The following ZNF26 variants were observed in gnomAD, a reference collection of about 807,000 sequenced individuals.
The protein encoded by ZNF26 is zinc finger protein 26, also known as epididymis luminal protein 179.
A neutral mutation model predicts 54.9 loss-of-function variants in ZNF26; 32 were observed. That is an observed-to-expected ratio of 0.58 (90% CI 0.44 to 0.78). The LOEUF is 0.78. ZNF26 is among the 30% of genes least tolerant of loss of function. The probability of loss-of-function intolerance (pLI) is 0.00; values close to 1 mark genes in which losing one functional copy is unlikely to be tolerated. For missense variants in ZNF26, 524 were observed against 634.0 expected (o/e 0.83, Z 1.86); for synonymous variants, 221 against 209.2 (o/e 1.06, Z -0.49).
chr12:133,002,615 TTTTG>T (rs1490577462), intron 1 of ZNF26, among the ~76,000 whole-genome samples: 14 of 151,392 alleles, frequency 9.2e-5, no homozygotes, highest in African/African-American at 2.4e-4. Context: ...TGCTTGGATT[TTTTG>T]TTTGTTTTTT....
chr12:132,995,038 T>TA (rs2137222412), intron 1 of ZNF26, among the ~76,000 whole-genome samples: 1 of 152,326 alleles, frequency 6.6e-6, no homozygotes, highest in African/African-American at 2.4e-5. Flanking sequence ...TTACGAATGA[T>TA]ACTGTTGAGT....
chr12:133,012,582 T>TTTTTG lies in ZNF26; in HGVS notation c.*1105_*1106insGTTTT, dbSNP rs1953503260. The TTTTTG allele has an allele frequency of 1.9e-5, 2 of 106,980 alleles. No individual in the cohort carries two copies. The highest frequency in any genetic ancestry group is 7.9e-5 in the African/African-American group (2 of 25,380). The allele number at this position is 106,980 out of a possible 1,614,324, so 6.6% of individuals were successfully genotyped here. ...CTTTTGCTTTTTGTTGTTTGGGTTT[T>TTTTTG]TTTTTTTTTTTTTTTTTTTTTTTTT... On this transcript the variant is annotated 3_prime_UTR_variant, in exon 4 of 4. Coordinates refer to ENST00000328654, the MANE Select transcript of ZNF26 (RefSeq NM_019591.4).
At chr12:133,004,238 G>A (rs1323169733) in intron 1 of ZNF26, among the ~76,000 whole-genome samples, 1 of 152,124 alleles carries the variant, frequency 6.6e-6, no homozygotes. Flanking sequence ...CACACTGAAC[G>A]TTTCCCTTTA....
intron 3 of ZNF26, among the ~76,000 whole-genome samples, 164 bp downstream of exon 3, chr12:133,007,696 C>T (rs1394567959): frequency 2.0e-5 from 3 of 152,180 alleles, no homozygotes; most frequent in Middle Eastern, 3.4e-3. Flanking sequence ...AGGACATCGC[C>T]GTCACTCTTC....
Position 133,015,353 on chromosome 12 carries a change from CAAA to C in ZNF26, c.*3887_*3889del, listed in dbSNP as rs67278075. 2 of 98,440 alleles carry C rather than the reference CAAA, an allele frequency of 2.0e-5. No homozygotes were observed. The highest frequency in any genetic ancestry group is 3.9e-5 in the Non-Finnish European group (2 of 51,032). 6.1% of individuals were successfully genotyped at this position (98,440 alleles called of 1,614,324 possible). A position where few individuals can be genotyped will look rare whatever the true frequency, so the allele number is the denominator to read the frequency against. Reference sequence around the variant, plus strand: ...TGGGTGACAGAGTGAGACTCTGTCTCAAAAAAAAAAAAAAAAAGAAAAGAAAAT... The same window carrying C: ...TGGGTGACAGAGTGAGACTCTGTCTCAAAAAAAAAAAAAAGAAAAGAAAAT... On this transcript the variant is annotated 3_prime_UTR_variant, in exon 4 of 4. Coordinates refer to ENST00000328654, the MANE Select transcript of ZNF26 (RefSeq NM_019591.4).
Position 133,001,534 on chromosome 12 carries a change from C to T in ZNF26, c.34-5508C>T. On this transcript the variant is annotated intron_variant, in intron 1 of 3. Transcript: ENST00000328654. This position sits in a 1 kb window ranked among gnomAD's most constrained non-coding sequence, Gnocchi z 4.7. ...TTGGAGCCTCTGACAGGGCTCTGCC[C>T]TGCAGTTCCATGGTGTATGTGATTC... 1 of 614,282 alleles carries T rather than the reference C, an allele frequency of 1.6e-6. No individual in the cohort carries two copies. The allele number at this position is 614,282 out of a possible 1,614,324, so 38.1% of individuals were successfully genotyped here. A position where few individuals can be genotyped will look rare whatever the true frequency, so the allele number is the denominator to read the frequency against.
In ZNF26 at chr12:132,986,741, C is replaced by G. The variant is rs1466137441; in HGVS notation, c.-100C>G. On this transcript the variant is annotated 5_prime_UTR_variant, in exon 1 of 4. Coordinates refer to ENST00000328654, the MANE Select transcript of ZNF26 (RefSeq NM_019591.4). Reference sequence around the variant, plus strand: ...CCCGGGACGGTCAGGAGCCTGGGGCCCTGGTCCCGCACCTGTCTTCGGGCG... The same window carrying G: ...CCCGGGACGGTCAGGAGCCTGGGGCGCTGGTCCCGCACCTGTCTTCGGGCG... 1.4e-5 allele frequency: 19 copies of G among 1,356,972 alleles called. No individual in the cohort carries two copies. In the East Asian group the frequency reaches 4.5e-4, roughly 32 times the overall value. 84.1% of individuals were successfully genotyped at this position (1,356,972 alleles called of 1,614,324 possible).
rs1953712915 is a variant in ZNF26 at position 133,026,920 on chromosome 12, TATGAAAC to T, written c.*15442_*15448del. On this transcript the variant is annotated 3_prime_UTR_variant, in exon 4 of 4. Coordinates refer to ENST00000328654, the MANE Select transcript of ZNF26 (RefSeq NM_019591.4). The stretch of plus-strand genomic sequence containing the variant: ...ACCAAATAATGTAGAAATAGAGTGA[TATGAAAC>T]ATAAATACCTATATAGGTTAAGAAA... 6.6e-6 allele frequency: 1 copy of T among 152,248 alleles called. No homozygotes were observed. Among genetic ancestry groups the T allele is most frequent in the South Asian group, 2.1e-4 (1 of 4,832 alleles). 9.4% of individuals were successfully genotyped at this position (152,248 alleles called of 1,614,324 possible). A position where few individuals can be genotyped will look rare whatever the true frequency, so the allele number is the denominator to read the frequency against.
intron 1 of ZNF26, among the ~76,000 whole-genome samples, chr12:132,999,326 C>G (rs903376234): frequency 3.3e-5 from 5 of 152,202 alleles, no homozygotes; most frequent in Non-Finnish European, 7.3e-5. Flanking sequence ...ACGATCTCAG[C>G]TCACTGCCAA....
Position 133,023,118 on chromosome 12 carries a change from G to C in ZNF26, c.*11637G>C, listed in dbSNP as rs1258114479. The C allele has an allele frequency of 6.6e-6, 1 of 152,154 alleles. No homozygotes were observed. Among genetic ancestry groups the C allele is most frequent in the Non-Finnish European group, 1.5e-5 (1 of 68,022 alleles). The allele number at this position is 152,154 out of a possible 1,614,324, so 9.4% of individuals were successfully genotyped here. On this transcript the variant is annotated 3_prime_UTR_variant, in exon 4 of 4. Transcript: ENST00000328654. ...TTTGATGAACAGGGGCTATACAACAGTTTAGATTTTAAAAAATTATGGGAG... is the reference window on the plus strand; with the variant it reads ...TTTGATGAACAGGGGCTATACAACACTTTAGATTTTAAAAAATTATGGGAG...
rs1953357284 is a variant in ZNF26 at position 133,007,519 on chromosome 12, G to A, written c.243G>A (p.Arg81=). 1.2e-6 allele frequency: 2 copies of A among 1,613,284 alleles called. No homozygotes were observed. Among genetic ancestry groups the A allele is most frequent in the East Asian group, 2.2e-5 (1 of 44,854 alleles). ...GGATAATAAATGCCAAAATTTCCAG[G>A]CAGAGCTGTCCAGGTGGGTGAGTGA... ...DPWIINAKIS[R]QSCPDGWEEW... Residue 81 remains arginine (R), a synonymous_variant, in exon 3 of 4, where the codon AGG becomes AGA. Coordinates refer to ENST00000328654, the MANE Select transcript of ZNF26 (RefSeq NM_019591.4).
chr12:132,995,471 A>G (rs12099680), intron 1 of ZNF26, among the ~76,000 whole-genome samples: 2,471 of 150,696 alleles, frequency 0.016, 73 homozygotes, highest in African/African-American at 0.057. Context: ...TTACATAGTT[A>G]TATATTATGA....
intron 1 of ZNF26, chr12:132,987,627 CTT>C (rs1184831329): frequency 2.8e-5 from 24 of 872,724 alleles, no homozygotes; most frequent in Non-Finnish European, 3.3e-5. Context: ...CTGGGAATGA[CTT>C]TCGCAGGTGT....
chr12:132,987,021 C>A, intron 1 of ZNF26, 148 bp downstream of exon 1: 1 of 907,518 alleles, frequency 1.1e-6, no homozygotes, highest in Non-Finnish European at 1.7e-6. Flanking sequence ...CAAACCAAAG[C>A]GCCTCTGAAG....
intron 1 of ZNF26, among the ~76,000 whole-genome samples, chr12:132,995,794 G>T (rs1177145022): frequency 6.6e-6 from 1 of 152,098 alleles, no homozygotes; most frequent in Non-Finnish European, 1.5e-5. Context: ...TGGGATTACA[G>T]TTGCCCACCA....
chr12:132,990,313 A>G (rs775352882), intron 1 of ZNF26, among the ~76,000 whole-genome samples: 60 of 152,176 alleles, frequency 3.9e-4, no homozygotes, highest in Non-Finnish European at 7.1e-4. Context: ...TTTTTTCTGC[A>G]TCTATCTATG....
At chr12:132,987,301 T>C (rs1952843478) in intron 1 of ZNF26, among the ~76,000 whole-genome samples, 2 of 152,196 alleles carry the variant, frequency 1.3e-5, no homozygotes, top group African/African-American at 4.8e-5. Context: ...AGATAAATTA[T>C]GTATGTTCCT....
chr12:132,986,922 G>C, intron 1 of ZNF26, 49 bp downstream of exon 1: 1 of 1,566,240 alleles, frequency 6.4e-7, no homozygotes, highest in Non-Finnish European at 8.7e-7. Context: ...ACTGAGGGTG[G>C]CCACGTTAAT....
Position 133,011,564 on chromosome 12 carries a change from A to ACCG in ZNF26, c.*83_*84insCCG. On this transcript the variant is annotated 3_prime_UTR_variant, in exon 4 of 4. Transcript: ENST00000328654. ...ACAGGATTTACAAGCAGGAGGCCCT[A>ACCG]AAATTACACTCATGTCAAAAATCAG... is the stretch of plus-strand genomic sequence containing the variant. 6 of 1,372,362 alleles carry ACCG rather than the reference A, an allele frequency of 4.4e-6. No individual in the cohort carries two copies. The South Asian group carries it at 6.9e-5, about 16-fold the overall frequency. 85.0% of individuals were successfully genotyped at this position (1,372,362 alleles called of 1,614,324 possible).
Sources: allele counts gnomAD v4.1 joint callset (sites outside exome capture counted in the v4.1 genomes callset), GRCh38; gene constraint gnomAD v4.1.1; non-coding constraint Gnocchi (gnomAD v3.1); transcripts MANE v1.5; gene names NCBI Gene and HGNC (gene_info 2026-07-23, HGNC 2026-07-21).